Variants in OPHN1 observed in about 807,000 individuals in gnomAD.
OPHN1 encodes oligophrenin 1.
A neutral mutation model predicts 60.7 loss-of-function variants in OPHN1; 11 were observed. The observed-to-expected ratio is 0.18, with a 90% confidence interval of 0.11 to 0.30. The LOEUF (loss-of-function observed/expected upper bound fraction) is 0.30. Among genes scored for constraint, OPHN1 ranks in the 10% least tolerant of loss-of-function variants. The pLI, the probability that OPHN1 is intolerant of heterozygous loss-of-function variation, is 1.00. For synonymous variants in OPHN1, 226 were observed against 222.6 expected, an observed-to-expected ratio of 1.02 and a Z score of -0.14; for missense variants, 449 against 611.0, an observed-to-expected ratio of 0.73 and a Z score of 2.80.
At chrX:68,243,277 G>T (rs779373675) in intron 5 of OPHN1, among the ~76,000 whole-genome samples, 2 of 111,115 alleles carry the variant, frequency 1.8e-5, no homozygotes, top group Non-Finnish European at 3.8e-5. Context: ...GGTGATAAAA[G>T]GGTTTTGGAA....
At chrX:68,253,907 G>A (rs960436756) in intron 5 of OPHN1, among the ~76,000 whole-genome samples, 1 of 111,593 alleles carries the variant, frequency 9.0e-6, no homozygotes, top group Non-Finnish European at 1.9e-5. Flanking sequence ...TGCCTTTGCC[G>A]GGCAGGTCAA....
At chrX:68,423,905 G>A (rs924856536) in intron 2 of OPHN1, among the ~76,000 whole-genome samples, 8 of 111,768 alleles carry the variant, frequency 7.2e-5, no homozygotes, top group South Asian at 3.7e-4. Context: ...GGTGGCTCAC[G>A]CCTGTAATTC....
chrX:68,087,956 G>A (rs769689578), intron 19 of OPHN1, among the ~76,000 whole-genome samples: 3 of 112,001 alleles, frequency 2.7e-5, no homozygotes, highest in East Asian at 2.8e-4. Flanking sequence ...AAAGTATCAC[G>A]TCTGTTGTTA....
At chrX:68,416,059 TATATATATAGAGAGAGAGAGAGAG>T (rs1274196294) in intron 2 of OPHN1, among the ~76,000 whole-genome samples, 17 of 6,960 alleles carry the variant, frequency 2.4e-3, no homozygotes, top group African/African-American at 3.4e-3. Context: ...TATATATATA[TATATATATAGAGAGAGAGAGAGAG>T]AGAGAGAGAG....
chrX:68,084,566 C>G (rs1439437303), intron 19 of OPHN1, among the ~76,000 whole-genome samples: 1 of 109,065 alleles, frequency 9.2e-6, no homozygotes, highest in African/African-American at 3.3e-5. Context: ...ATTAAATGAT[C>G]TTATTTCCCT....
Position 68,432,906 on chromosome X carries a change from C to T in OPHN1, c.115G>A (p.Val39Ile), listed in dbSNP as rs41303733. The T allele has an allele frequency of 0.074, 89,689 of 1,210,383 alleles. 2,555 individuals are homozygous for T. The highest frequency in any genetic ancestry group is 0.086 in the Non-Finnish European group (76,941 of 895,047). ...ATAAGCGCGTTGCCGTCTTTGATTA[C>T]GTCTTTGATGAATTTGTTGGTCCTC... ...LERTNKFIKD[V>I]IKDGNALISA... The change falls in exon 2 of 25, where the codon GTA becomes ATA. Residue 39 changes from valine to isoleucine, a missense_variant. Val to Ile is a conservative substitution (Grantham distance 29). Around this residue, in one of 4 missense-constraint regions of OPHN1, gnomAD observed 99 missense variants for 155.2 expected, o/e 0.64. Coordinates refer to ENST00000355520, the MANE Select transcript of OPHN1 (RefSeq NM_002547.3).
intron 15 of OPHN1, 113 bp downstream of exon 15, chrX:68,192,806 A>G: frequency 3.2e-6 from 2 of 624,453 alleles, no homozygotes; most frequent in Non-Finnish European, 5.2e-6. Context: ...TTTAGAAAAT[A>G]CTTTTTTCAA....
At chrX:68,214,029 T>A in intron 6 of OPHN1, 57 bp from the exon 7 acceptor site, 1 of 694,558 alleles carries the variant, frequency 1.4e-6, no homozygotes, top group Non-Finnish European at 2.3e-6. Flanking sequence ...TGAAAGTCAG[T>A]ACTTAAGGAT....
intron 2 of OPHN1, among the ~76,000 whole-genome samples, chrX:68,383,171 A>C (rs2078606307): frequency 9.0e-6 from 1 of 110,933 alleles, no homozygotes; most frequent in African/African-American, 3.3e-5. Context: ...AGAAATAAAG[A>C]AAAAAAATGC....
intron 5 of OPHN1, among the ~76,000 whole-genome samples, chrX:68,235,353 A>G (rs752832637): frequency 3.2e-4 from 36 of 112,084 alleles, no homozygotes; most frequent in African/African-American, 1.1e-3. Context: ...TGGAAAATCA[A>G]TGTAAATGGC....
chrX:68,130,333 A>G (rs2077188596), intron 15 of OPHN1, among the ~76,000 whole-genome samples: 1 of 111,701 alleles, frequency 9.0e-6, no homozygotes, highest in Non-Finnish European at 1.9e-5. Context: ...ATATAAATCC[A>G]TATGCCAATT....
At chrX:68,141,960 G>T (rs10127278) in intron 15 of OPHN1, among the ~76,000 whole-genome samples, 1,880 of 98,665 alleles carry the variant, frequency 0.019, 40 homozygotes, top group African/African-American at 0.062. Context: ...AAGAAAGAAA[G>T]AAGAGAGGCA....
intron 2 of OPHN1, among the ~76,000 whole-genome samples, chrX:68,394,033 C>T (rs1421076922): frequency 2.9e-5 from 3 of 104,676 alleles, no homozygotes; most frequent in African/African-American, 1.0e-4. Flanking sequence ...GTAGCTGGGA[C>T]TACAGGCGCC....
chrX:68,378,151 T>C (rs1327749331), intron 2 of OPHN1, among the ~76,000 whole-genome samples: 1 of 112,344 alleles, frequency 8.9e-6, no homozygotes, highest in Non-Finnish European at 1.9e-5. Context: ...TATCTCATTG[T>C]GGTTTTGATT....
chrX:68,061,577 T>C (rs2076893051), intron 21 of OPHN1, among the ~76,000 whole-genome samples: 1 of 111,915 alleles, frequency 8.9e-6, no homozygotes, highest in Admixed American at 9.5e-5. Flanking sequence ...AGCCAAGTCA[T>C]AGTGAGAAGA....
chrX:68,192,563 A>C (rs1413950030), intron 15 of OPHN1, among the ~76,000 whole-genome samples: 1 of 111,995 alleles, frequency 8.9e-6, no homozygotes, highest in Non-Finnish European at 1.9e-5. Flanking sequence ...GTTTCAAAAA[A>C]GAGAAAGTGG....
chrX:68,092,028 C>A (rs1165050661), intron 19 of OPHN1, among the ~76,000 whole-genome samples: 1 of 111,534 alleles, frequency 9.0e-6, no homozygotes, highest in African/African-American at 3.3e-5. Context: ...TAGTAATAGA[C>A]TCCTTTAAGC....
chrX:68,124,094 A>G (rs911584826), intron 15 of OPHN1, among the ~76,000 whole-genome samples: 11 of 111,308 alleles, frequency 9.9e-5, no homozygotes, highest in African/African-American at 2.9e-4. Context: ...AGCTATACCT[A>G]TATTAGAAAA....
chrX:68,308,638 T>G (rs1026667344), intron 2 of OPHN1, among the ~76,000 whole-genome samples: 6 of 110,182 alleles, frequency 5.4e-5, no homozygotes, highest in Admixed American at 1.9e-4. Context: ...GAAAAGAAAA[T>G]AAATCACTTT....
Sources: gnomAD v4.1 joint callset for allele counts (sites outside exome capture counted in the v4.1 genomes callset) on GRCh38, gnomAD v4.1.1 for gene constraint, gnomAD v4.1.1 regional missense constraint, MANE v1.5 for transcripts, NCBI Gene and HGNC (gene_info 2026-07-23, HGNC 2026-07-21) for gene names.